RNF170: variants seen among roughly 807,000 people sequenced by gnomAD.
RNF170 encodes ring finger protein 170.
A neutral mutation model predicts 32.7 loss-of-function variants in RNF170; 12 were observed. The ratio of observed to expected loss-of-function variants is 0.37; its 90% CI spans 0.24 to 0.60. RNF170 has a LOEUF of 0.60. Among genes scored for constraint, RNF170 ranks in the 20% least tolerant of loss-of-function variants. The probability of loss-of-function intolerance (pLI) is 0.72; values close to 1 mark genes in which losing one functional copy is unlikely to be tolerated. For missense variants in RNF170, 212 were observed against 311.2 expected, an observed-to-expected ratio of 0.68 and a Z score of 2.40; for synonymous variants, 91 against 103.6, an observed-to-expected ratio of 0.88 and a Z score of 0.74.
At position 42,854,054 on chromosome 8, in the gene RNF170, T is replaced by C. The variant is rs1442855142; in HGVS notation, c.*2105A>G. The C allele has an allele frequency of 7.8e-7, 1 of 1,287,094 alleles. No homozygotes were observed. Among genetic ancestry groups the C allele is most frequent in the African/African-American group, 1.5e-5 (1 of 65,794 alleles). The allele number at this position is 1,287,094 out of a possible 1,614,324, so 79.7% of individuals were successfully genotyped here. A position where few individuals can be genotyped will look rare whatever the true frequency, so the allele number is the denominator to read the frequency against. On this transcript the variant is annotated 3_prime_UTR_variant, in exon 7 of 7. Transcript: ENST00000527424. The stretch of plus-strand genomic sequence containing the variant: ...GCATTTCCAGTCTGGTACATGGCAG[T>C]GTGACAAACTCCTACTCACTCGCTT...
chr8:42,894,958 T>C (rs1362622076), intron 1 of RNF170, among the ~76,000 whole-genome samples: 2 of 151,844 alleles, frequency 1.3e-5, no homozygotes, highest in African/African-American at 4.8e-5. Context: ...TTTTTTACAC[T>C]TACAAAATGC....
At chr8:42,882,572 T>C (rs1805501216) in intron 2 of RNF170, among the ~76,000 whole-genome samples, 1 of 152,172 alleles carries the variant, frequency 6.6e-6, no homozygotes, top group Non-Finnish European at 1.5e-5. Flanking sequence ...TGTTACAACA[T>C]AAATGAACTT....
downstream of RNF170, among the ~76,000 whole-genome samples, chr8:42,852,770 TC>T (rs1299541107): frequency 6.6e-6 from 1 of 152,186 alleles, no homozygotes; most frequent in East Asian, 1.9e-4. Flanking sequence ...GTTGAATTTT[TC>T]TTTGTAAAAC....
rs1173941053 is a variant in RNF170, at chr8:42,870,129, T to G, written c.214-17A>C. 6.4e-7 allele frequency: 1 copy of G among 1,567,158 alleles called. No individual in the cohort carries two copies. Among genetic ancestry groups the G allele is most frequent in the Non-Finnish European group, 8.8e-7 (1 of 1,137,728 alleles). On this transcript the variant is annotated splice_polypyrimidine_tract_variant and intron_variant, in intron 3 of 6. Transcript: ENST00000527424. Reference sequence around the variant, plus strand: ...AGGTGCATCCTAATAAGAACACAGGTGCACACATTGGAACACAACACATGT... The same window carrying G: ...AGGTGCATCCTAATAAGAACACAGGGGCACACATTGGAACACAACACATGT...
chr8:42,851,681 G>C (rs1045056460), downstream of RNF170, among the ~76,000 whole-genome samples: 1 of 152,170 alleles, frequency 6.6e-6, no homozygotes, highest in African/African-American at 2.4e-5. Context: ...CTGTCACTCA[G>C]GCTGGACTGC....
chr8:42,887,980 T>G (rs1347311427), intron 1 of RNF170, 109 bp from the exon 2 acceptor site: 2 of 1,002,254 alleles, frequency 2.0e-6, no homozygotes, highest in Admixed American at 2.0e-5. Flanking sequence ...TGGTTTCTGA[T>G]AGGCTGCAAT....
chr8:42,865,490 CTA>C lies in RNF170; in HGVS notation c.323-3_323-2del. On this transcript the variant is annotated splice_acceptor_variant and splice_polypyrimidine_tract_variant and intron_variant, in intron 4 of 6. Transcript: ENST00000527424. LOFTEE classifies it high-confidence loss of function. ...CGCCAGTAAGCAATAATGCAGGCAC[CTA>C]ATAGACAAAACAAAACAAACACATA... The C allele has an allele frequency of 6.2e-7, 1 of 1,611,700 alleles. No homozygotes were observed. The highest frequency in any genetic ancestry group is 8.5e-7 in the Non-Finnish European group (1 of 1,178,066).
chr8:42,877,544 T>G (rs959019720), intron 2 of RNF170, among the ~76,000 whole-genome samples: 1 of 152,124 alleles, frequency 6.6e-6, no homozygotes, highest in Non-Finnish European at 1.5e-5. Flanking sequence ...TTGACAAGGG[T>G]GCCAAGACCA....
chr8:42,888,296 C>T (rs1309730852), intron 1 of RNF170, among the ~76,000 whole-genome samples: 1 of 151,984 alleles, frequency 6.6e-6, no homozygotes, highest in Non-Finnish European at 1.5e-5. Flanking sequence ...GATCTCCTGA[C>T]CTCGTGATCC....
rs1806131063 is a variant in RNF170, at chr8:42,889,640, T to A, written c.-7-1769A>T. Among the ~76,000 whole-genome samples, 9 of 152,116 alleles carry A rather than the reference T, an allele frequency of 5.9e-5. No homozygotes were observed. The South Asian group carries it at 1.9e-3, about 31-fold the overall frequency. On this transcript the variant is annotated intron_variant, in intron 1 of 6. Coordinates refer to ENST00000527424, the MANE Select transcript of RNF170 (RefSeq NM_030954.4). ...CTACGCAAACAGATGAAAGGCAGCT[T>A]TCATCAGCTTTACACGGACTAATCG...
At chr8:42,895,193 TGGTTCCAGCTACTTG>T (rs1182070986) in intron 1 of RNF170, among the ~76,000 whole-genome samples, 1 of 151,944 alleles carries the variant, frequency 6.6e-6, no homozygotes, top group Non-Finnish European at 1.5e-5. Context: ...CCTGCACCTG[TGGTTCCAGCTACTTG>T]GGAGGCTGAG....
chr8:42,860,651 G>A (rs1035813101), intron 6 of RNF170, among the ~76,000 whole-genome samples: 1 of 151,946 alleles, frequency 6.6e-6, no homozygotes, highest in Non-Finnish European at 1.5e-5. Context: ...TCAAACTCCC[G>A]AACTCAAATG....
chr8:42,893,042 A>C (rs1806445212), intron 1 of RNF170, among the ~76,000 whole-genome samples: 1 of 152,146 alleles, frequency 6.6e-6, no homozygotes, highest in Non-Finnish European at 1.5e-5. Context: ...TAAAAATACC[A>C]CAGGTACCCC....
downstream of RNF170, among the ~76,000 whole-genome samples, chr8:42,851,228 A>G (rs1421374082): frequency 1.3e-5 from 2 of 152,066 alleles, no homozygotes; most frequent in African/African-American, 4.8e-5. Context: ...CGACATGTCA[A>G]TGGTAGAAAT....
At chr8:42,858,182 T>C (rs1803385468) in intron 6 of RNF170, among the ~76,000 whole-genome samples, 1 of 152,076 alleles carries the variant, frequency 6.6e-6, no homozygotes, top group East Asian at 1.9e-4. Context: ...TGGGTCAAAA[T>C]TGCAGAAGAG....
At position 42,854,481 on chromosome 8, in the gene RNF170, T is replaced by G. The variant is rs977144172; in HGVS notation, c.*1678A>C. The G allele has an allele frequency of 7.8e-7, 1 of 1,286,258 alleles. No individual in the cohort carries two copies. The highest frequency in any genetic ancestry group is 1.5e-5 in the African/African-American group (1 of 65,786). The allele number at this position is 1,286,258 out of a possible 1,614,324, so 79.7% of individuals were successfully genotyped here. ...ATTATCCAAAGGATAAAATGAAAAGTATGTGAGAAACCTGCTTTAATTATA... is the reference window on the plus strand; with the variant it reads ...ATTATCCAAAGGATAAAATGAAAAGGATGTGAGAAACCTGCTTTAATTATA... On this transcript the variant is annotated 3_prime_UTR_variant, in exon 7 of 7. Transcript: ENST00000527424.
At chr8:42,850,882 T>C, downstream of RNF170, 2 of 1,551,582 alleles carry the variant, frequency 1.3e-6, no homozygotes, top group Non-Finnish European at 1.7e-6. Flanking sequence ...ATGGGGTATA[T>C]GCTGAGGCCC....
At chr8:42,866,762 C>T (rs933081969) in intron 4 of RNF170, among the ~76,000 whole-genome samples, 1 of 152,188 alleles carries the variant, frequency 6.6e-6, no homozygotes, top group African/African-American at 2.4e-5. Flanking sequence ...ATGGGCAACA[C>T]AGCCTAAAGG....
Position 42,855,919 on chromosome 8 carries a change from T to C in RNF170, c.*240A>G. The C allele has an allele frequency of 2.3e-6, 3 of 1,292,340 alleles. No individual in the cohort carries two copies. Among genetic ancestry groups the C allele is most frequent in the Non-Finnish European group, 2.0e-6 (2 of 982,220 alleles). The allele number at this position is 1,292,340 out of a possible 1,614,324, so 80.1% of individuals were successfully genotyped here. On this transcript the variant is annotated 3_prime_UTR_variant, in exon 7 of 7. Coordinates refer to ENST00000527424, the MANE Select transcript of RNF170 (RefSeq NM_030954.4). ...AATTCCATATTTTTTCCAGACAACA[T>C]AGAATCAAGATACAACTGTAGATCA...
Sources: allele counts gnomAD v4.1 joint callset (sites outside exome capture counted in the v4.1 genomes callset), GRCh38; gene constraint gnomAD v4.1.1; transcripts MANE v1.5; gene names NCBI Gene and HGNC (gene_info 2026-07-23, HGNC 2026-07-21).